CNTN4: variants seen among roughly 807,000 people sequenced by gnomAD.
CNTN4 encodes contactin-4.
Under a neutral mutation model 122.5 loss-of-function variants are expected in CNTN4, and 77 were observed. The observed-to-expected ratio is 0.63, with a 90% CI of 0.52 to 0.76. The LOEUF is 0.76. Ranked by LOEUF, CNTN4 falls within the 30% of genes least tolerant of loss-of-function variation. CNTN4 has a pLI of 0.00. For synonymous variants in CNTN4, 512 were observed against 447.0 expected, an observed-to-expected ratio of 1.15 and a Z score of -1.83; for missense variants, 1,256 against 1,259.1, an observed-to-expected ratio of 1.00 and a Z score of 0.04.
At chr3:2,861,235 A>G (rs939936736) in intron 7 of CNTN4, among the ~76,000 whole-genome samples, 9 of 152,154 alleles carry the variant, frequency 5.9e-5, no homozygotes, top group African/African-American at 1.9e-4. Context: ...CTTGACACCA[A>G]TTCCAGAGAT....
intron 3 of CNTN4, among the ~76,000 whole-genome samples, chr3:2,473,717 A>G: frequency 6.6e-6 from 1 of 152,136 alleles, no homozygotes; most frequent in East Asian, 1.9e-4. Context: ...GGGTAACAGT[A>G]TACAACATTT....
At chr3:3,030,780 C>T (rs17657457) in intron 15 of CNTN4, 75 bp from the exon 16 acceptor site, 2 of 1,512,146 alleles carry the variant, frequency 1.3e-6, no homozygotes, top group African/African-American at 1.4e-5. Flanking sequence ...CCATTAGTCA[C>T]CGTGTCCTTC....
At chr3:3,026,408 C>T (rs766707392) in intron 15 of CNTN4, 131 bp downstream of exon 15, 14 of 779,624 alleles carry the variant, frequency 1.8e-5, no homozygotes, top group Non-Finnish European at 2.6e-5. Context: ...ATTCCTGCTC[C>T]TTTTTGCACA....
At chr3:2,155,454 G>A (rs61584786) in intron 2 of CNTN4, among the ~76,000 whole-genome samples, 69 of 152,304 alleles carry the variant, frequency 4.5e-4, no homozygotes, top group African/African-American at 1.6e-3. Context: ...AGAACAGAGG[G>A]CACCTACAAC....
intron 2 of CNTN4, among the ~76,000 whole-genome samples, chr3:2,308,868 T>C (rs529966149): frequency 5.9e-5 from 9 of 152,168 alleles, no homozygotes; most frequent in Non-Finnish European, 1.3e-4. Context: ...ATATAAAATA[T>C]AGTCTGTAGA....
intron 3 of CNTN4, among the ~76,000 whole-genome samples, chr3:2,550,099 A>T (rs760516918): frequency 6.6e-6 from 1 of 151,954 alleles, no homozygotes; most frequent in Admixed American, 6.6e-5. Context: ...TTTTCTTCTT[A>T]TTAGTCTGGC....
At chr3:2,416,195 T>C (rs1164072593) in intron 3 of CNTN4, among the ~76,000 whole-genome samples, 1 of 152,124 alleles carries the variant, frequency 6.6e-6, no homozygotes, top group South Asian at 2.1e-4. Flanking sequence ...TATTTCCTCA[T>C]AGTGATCATT....
rs547454769 is a variant in CNTN4, at chr3:3,037,213, G to T, written c.1977G>T (p.Ala659=). ...TCATTGATGGGAAGACATTCACAGC[G>T]ACCGTGGTGGGTTTGAACCCTTGGG... ...PELIDGKTFT[A]TVVGLNPWVE... The change falls in exon 18 of 25, where the codon GCG becomes GCT. Residue 659 remains alanine (A), a synonymous_variant. Transcript: ENST00000418658. 1.9e-6 allele frequency: 3 copies of T among 1,614,150 alleles called. No homozygotes were observed. In the Admixed American group the frequency reaches 5.0e-5, roughly 27 times the overall value.
chr3:2,314,734 C>T (rs866415478), intron 2 of CNTN4, among the ~76,000 whole-genome samples: 1 of 151,650 alleles, frequency 6.6e-6, no homozygotes, highest in Non-Finnish European at 1.5e-5. Context: ...AATACAATTA[C>T]AATTATTAAC....
At chr3:2,617,950 A>T (rs2081837403) in intron 4 of CNTN4, among the ~76,000 whole-genome samples, 1 of 152,202 alleles carries the variant, frequency 6.6e-6, no homozygotes, top group Admixed American at 6.5e-5. Context: ...ATTATTTCAA[A>T]TTTCCAAGAG....
chr3:2,379,266 CT>C (rs753499038), intron 3 of CNTN4, among the ~76,000 whole-genome samples: 8 of 149,546 alleles, frequency 5.3e-5, no homozygotes, highest in South Asian at 2.1e-4. Flanking sequence ...TTTCCGTTTC[CT>C]TTTTTTTTCT....
chr3:2,307,920 A>G lies in CNTN4; in HGVS notation c.-144-31258A>G, dbSNP rs192483116. Among the ~76,000 whole-genome samples the G allele has an allele frequency of 1.8e-4, 27 of 152,238 alleles. No individual in the cohort carries two copies. In the East Asian group the frequency reaches 4.4e-3, roughly 25 times the overall value. ...GATGTTCTTGTCTGGTTTGGGTATC[A>G]TGGTAATAATGGGCTTATGTAATGA... On this transcript the variant is annotated intron_variant, in intron 2 of 24. Transcript: ENST00000418658.
At chr3:2,894,684 G>A (rs2094086388) in intron 10 of CNTN4, among the ~76,000 whole-genome samples, 1 of 152,054 alleles carries the variant, frequency 6.6e-6, no homozygotes, top group South Asian at 2.1e-4. Context: ...GGAAACACTA[G>A]GTAGAGGCTT....
intron 3 of CNTN4, among the ~76,000 whole-genome samples, chr3:2,387,084 TAATA>T (rs1477562564): frequency 1.3e-5 from 2 of 152,224 alleles, no homozygotes; most frequent in Non-Finnish European, 2.9e-5. Flanking sequence ...TCTACTATAG[TAATA>T]AATAAATATT....
intron 2 of CNTN4, among the ~76,000 whole-genome samples, chr3:2,326,190 A>G (rs1340868972): frequency 6.6e-6 from 1 of 152,208 alleles, no homozygotes; most frequent in Non-Finnish European, 1.5e-5. Flanking sequence ...AGAACAAAAT[A>G]GTGACCTTCC....
chr3:3,033,670 T>G (rs1699370268), intron 16 of CNTN4, among the ~76,000 whole-genome samples: 1 of 152,224 alleles, frequency 6.6e-6, no homozygotes, highest in South Asian at 2.1e-4. Context: ...CCTTCCCTCC[T>G]GAGGTGGTCA....
rs1455321761 is a variant in CNTN4, at chr3:2,733,041, ATC to A, written c.56-3172_56-3171del. Among the ~76,000 whole-genome samples, 4 of 152,226 alleles carry A rather than the reference ATC, an allele frequency of 2.6e-5. No individual in the cohort carries two copies. In the East Asian group the frequency reaches 7.7e-4, roughly 29 times the overall value. ...TTGTTACAAAATACACAGAAAAAATATCTTTTTGTTATTTAAATATTGCATGG... is the reference window on the plus strand; with the variant it reads ...TTGTTACAAAATACACAGAAAAAATATTTTTGTTATTTAAATATTGCATGG... On this transcript the variant is annotated intron_variant, in intron 4 of 24. Coordinates refer to ENST00000418658, the MANE Select transcript of CNTN4 (RefSeq NM_175607.3).
intron 6 of CNTN4, among the ~76,000 whole-genome samples, chr3:2,758,127 C>T (rs2090422637): frequency 6.6e-6 from 1 of 152,036 alleles, no homozygotes; most frequent in East Asian, 1.9e-4. Context: ...TTTATATAGT[C>T]CTATAAGTAA....
At chr3:2,476,260 G>T (rs538180908) in intron 3 of CNTN4, among the ~76,000 whole-genome samples, 1 of 152,326 alleles carries the variant, frequency 6.6e-6, no homozygotes, top group South Asian at 2.1e-4. Flanking sequence ...CAGAGGCAGA[G>T]TAGGTTAAGT....
Sources: gnomAD v4.1 joint callset for allele counts (sites outside exome capture counted in the v4.1 genomes callset) on GRCh38, gnomAD v4.1.1 for gene constraint, MANE v1.5 for transcripts, NCBI Gene and HGNC (gene_info 2026-07-23, HGNC 2026-07-21) for gene names.